Variants in CADM2 observed in about 807,000 individuals in gnomAD.
The protein encoded by CADM2 is cell adhesion molecule 2, also known as immunoglobulin superfamily member 4D.
CADM2 carries 12 observed loss-of-function variants against 49.8 expected under a neutral mutation model. The ratio of observed to expected loss-of-function variants is 0.24; its 90% CI spans 0.15 to 0.39. The LOEUF is 0.39. Among genes scored for constraint, CADM2 ranks in the 10% least tolerant of loss-of-function variants. The pLI, the probability that CADM2 is intolerant of heterozygous loss-of-function variation, is 1.00. For synonymous variants in CADM2, 214 were observed against 175.4 expected (o/e 1.22, Z -1.74); for missense variants, 378 against 492.3 (o/e 0.77, Z 2.20).
intron 1 of CADM2, among the ~76,000 whole-genome samples, chr3:85,069,991 T>C (rs139458699): frequency 6.6e-6 from 1 of 152,312 alleles, no homozygotes; most frequent in East Asian, 1.9e-4. Flanking sequence ...ACATCCCTGA[T>C]AACAGTATTC....
At chr3:85,908,249 TTC>T (rs2108468668) in intron 5 of CADM2, among the ~76,000 whole-genome samples, 1 of 92,834 alleles carries the variant, frequency 1.1e-5, no homozygotes, top group African/African-American at 4.3e-5. Context: ...GCTTTTTTTT[TTC>T]TTCTTTTTTT....
chr3:86,006,909 C>T (rs1002156565), intron 8 of CADM2, among the ~76,000 whole-genome samples: 8 of 152,012 alleles, frequency 5.3e-5, no homozygotes, highest in African/African-American at 9.6e-5. Flanking sequence ...GGCATGGTGA[C>T]GGATACCTGT....
chr3:85,586,300 A>T (rs1365387783), intron 1 of CADM2, among the ~76,000 whole-genome samples: 2 of 152,100 alleles, frequency 1.3e-5, no homozygotes, highest in African/African-American at 4.8e-5. Flanking sequence ...TTTATCCAGG[A>T]TAAATCAAAT....
chr3:85,718,856 T>G (rs553937181), intron 1 of CADM2, among the ~76,000 whole-genome samples: 1 of 149,762 alleles, frequency 6.7e-6, no homozygotes, highest in African/African-American at 2.4e-5. Flanking sequence ...ACAAAGTATT[T>G]ATTTTATAGA....
intron 1 of CADM2, among the ~76,000 whole-genome samples, chr3:85,263,144 T>TG (rs1249661064): frequency 7.9e-5 from 12 of 151,806 alleles, no homozygotes; most frequent in African/African-American, 2.9e-4. Flanking sequence ...AGGCACACGC[T>TG]GACATGCCTG....
chr3:86,032,142 A>G (rs1250006927), intron 8 of CADM2, among the ~76,000 whole-genome samples: 1 of 151,796 alleles, frequency 6.6e-6, no homozygotes, highest in Admixed American at 6.6e-5. Flanking sequence ...CACCAATTAA[A>G]TGAGCAACAT....
intron 1 of CADM2, among the ~76,000 whole-genome samples, chr3:85,543,423 T>TGTGTGGGGGTGTGTGTGTGTGTGGGTGG (rs143013783): frequency 1.0e-5 from 1 of 99,190 alleles, no homozygotes; most frequent in African/African-American, 2.9e-5. Flanking sequence ...CAAGCTAATG[T>TGTGTGGGGGTGTGTGTGTGTGTGGGTGG]GTGTGTGTGT....
chr3:86,011,694 G>T (rs1316369142), intron 8 of CADM2, among the ~76,000 whole-genome samples: 4 of 152,106 alleles, frequency 2.6e-5, no homozygotes, highest in African/African-American at 9.7e-5. Context: ...TACAAGAGGT[G>T]AATCTGTCAT....
chr3:85,966,920 A>G (rs570142151), intron 8 of CADM2, among the ~76,000 whole-genome samples: 1 of 151,802 alleles, frequency 6.6e-6, no homozygotes, highest in African/African-American at 2.4e-5. Context: ...ACATTATTTT[A>G]AAAAGAGTGT....
chr3:85,621,735 C>G (rs1213108913), intron 1 of CADM2, among the ~76,000 whole-genome samples: 2 of 152,070 alleles, frequency 1.3e-5, no homozygotes, highest in African/African-American at 4.8e-5. Context: ...AATGAACACA[C>G]GGTTTTCAGA....
rs200723252 is a variant in CADM2, at chr3:85,836,182, G to GA, written c.238+33994dup. ...CTTATTTAAAGAGCTTTCAGGGGAG[G>GA]AAAAAAAACCTACCTTAAAATGTGC... On this transcript the variant is annotated intron_variant, in intron 3 of 9. Coordinates refer to ENST00000383699, the MANE Select transcript of CADM2 (RefSeq NM_001167675.2). 6.2e-3 allele frequency among the ~76,000 whole-genome samples: 940 copies of GA among 151,256 alleles called. 3 individuals carry two copies. The highest frequency in any genetic ancestry group is 0.01 in the Non-Finnish European group (680 of 67,544).
chr3:85,804,258 C>T (rs539863511), intron 3 of CADM2, among the ~76,000 whole-genome samples: 45 of 152,046 alleles, frequency 3.0e-4, no homozygotes, highest in African/African-American at 9.2e-4. Context: ...ATGTTCATTA[C>T]GAAACTAAAT....
intron 1 of CADM2, among the ~76,000 whole-genome samples, chr3:84,982,982 C>T (rs1409078465): frequency 2.7e-5 from 4 of 150,430 alleles, no homozygotes; most frequent in Non-Finnish European, 2.9e-5. Flanking sequence ...CTCCTGACCA[C>T]GTGATCTGCC....
intron 1 of CADM2, among the ~76,000 whole-genome samples, chr3:85,694,964 G>C (rs959545528): frequency 9.9e-5 from 15 of 151,984 alleles, no homozygotes; most frequent in African/African-American, 3.6e-4. Flanking sequence ...AAAGATACAT[G>C]CAATGATAAC....
chr3:85,041,541 C>A (rs1211924854), intron 1 of CADM2, among the ~76,000 whole-genome samples: 1 of 152,074 alleles, frequency 6.6e-6, no homozygotes, highest in Non-Finnish European at 1.5e-5. Context: ...ACTTTTCCAC[C>A]TTTATATGTA....
chr3:86,014,968 C>T (rs1221925438), intron 8 of CADM2: 17 of 1,324,250 alleles, frequency 1.3e-5, no homozygotes, highest in Middle Eastern at 2.6e-4. Flanking sequence ...TTAAGGAACA[C>T]TTTGACAGAC....
chr3:85,293,987 G>C (rs1325855084), intron 1 of CADM2, among the ~76,000 whole-genome samples: 1 of 151,984 alleles, frequency 6.6e-6, no homozygotes, highest in Non-Finnish European at 1.5e-5. Flanking sequence ...TAGGAAAAGA[G>C]GAAGTCAAAT....
intron 8 of CADM2, among the ~76,000 whole-genome samples, chr3:86,036,122 G>A (rs1322494336): frequency 1.3e-5 from 2 of 151,998 alleles, no homozygotes; most frequent in African/African-American, 4.8e-5. Context: ...GAATTTGGGG[G>A]AACACAAACA....
chr3:85,673,918 C>A (rs1380477577), intron 1 of CADM2, among the ~76,000 whole-genome samples: 4 of 152,032 alleles, frequency 2.6e-5, no homozygotes, highest in Non-Finnish European at 4.4e-5. Context: ...AAAATTTTAA[C>A]CAGAAAATCC....
Sources: allele counts gnomAD v4.1 joint callset (sites outside exome capture counted in the v4.1 genomes callset), GRCh38; gene constraint gnomAD v4.1.1; transcripts MANE v1.5; gene names NCBI Gene and HGNC (gene_info 2026-07-23, HGNC 2026-07-21).